PALM2AKAP2: variants seen among roughly 807,000 people sequenced by gnomAD.
The protein encoded by PALM2AKAP2 is PALM2-AKAP2 fusion protein.
In PALM2AKAP2, 37 loss-of-function variants were observed where a neutral mutation model predicts 71.5. The ratio of observed to expected loss-of-function variants is 0.52; its 90% CI spans 0.40 to 0.68. The LOEUF is 0.68. Ranked by LOEUF, PALM2AKAP2 falls within the 30% of genes least tolerant of loss-of-function variation. The probability of loss-of-function intolerance (pLI) is 0.00; values close to 1 mark genes in which losing one functional copy is unlikely to be tolerated. For missense variants in PALM2AKAP2, 1,224 were observed against 1,191.8 expected, an observed-to-expected ratio of 1.03 and a Z score of -0.40; for synonymous variants, 468 against 478.8, an observed-to-expected ratio of 0.98 and a Z score of 0.29.
intron 1 of PALM2AKAP2, among the ~76,000 whole-genome samples, chr9:110,053,227 C>G (rs16914728): frequency 0.024 from 3,636 of 152,110 alleles, 160 homozygotes; most frequent in African/African-American, 0.083. Flanking sequence ...TGAGTAGGAT[C>G]AAGAGACATG....
chr9:109,735,289 A>C (rs1828613494), intron 1 of PALM2AKAP2, among the ~76,000 whole-genome samples: 2 of 151,092 alleles, frequency 1.3e-5, no homozygotes, highest in African/African-American at 4.9e-5. Flanking sequence ...CTTTTGGCCC[A>C]CCATCTTTTA....
At chr9:109,647,126 T>C (rs1827166308) in intron 1 of PALM2AKAP2, among the ~76,000 whole-genome samples, 1 of 152,164 alleles carries the variant, frequency 6.6e-6, no homozygotes, top group South Asian at 2.1e-4. Context: ...TATATATATA[T>C]ATAGGTTTAA....
intron 1 of PALM2AKAP2, among the ~76,000 whole-genome samples, chr9:109,657,478 G>A (rs543444821): frequency 6.6e-6 from 1 of 151,814 alleles, no homozygotes; most frequent in South Asian, 2.1e-4. Flanking sequence ...GTGTGTGTGT[G>A]TAAAATCAAT....
chr9:109,892,789 A>G (rs909813631), intron 3 of PALM2AKAP2, among the ~76,000 whole-genome samples: 1 of 152,142 alleles, frequency 6.6e-6, no homozygotes, highest in Non-Finnish European at 1.5e-5. Flanking sequence ...AAAAGAAATA[A>G]TAATAATAAT....
intron 1 of PALM2AKAP2, among the ~76,000 whole-genome samples, chr9:109,842,210 A>C (rs998950015): frequency 3.3e-5 from 5 of 152,140 alleles, no homozygotes; most frequent in Non-Finnish European, 5.9e-5. Flanking sequence ...GCCCCTGGGG[A>C]GTGTACAGGA....
At chr9:109,820,412 T>C (rs187110548) in intron 1 of PALM2AKAP2, among the ~76,000 whole-genome samples, 2 of 152,184 alleles carry the variant, frequency 1.3e-5, no homozygotes, top group Non-Finnish European at 2.9e-5. Flanking sequence ...GTCACCTCAG[T>C]CCATTGTGTT....
intron 1 of PALM2AKAP2, among the ~76,000 whole-genome samples, chr9:109,702,302 T>C (rs1215534597): frequency 6.6e-6 from 1 of 152,236 alleles, no homozygotes; most frequent in Non-Finnish European, 1.5e-5. Flanking sequence ...GTATGTTTTA[T>C]TGTGGCACTA....
chr9:109,966,842 CTG>C (rs950523866), intron 6 of PALM2AKAP2, among the ~76,000 whole-genome samples: 6 of 152,174 alleles, frequency 3.9e-5, no homozygotes, highest in Admixed American at 2.6e-4. Context: ...ACTCAATGGT[CTG>C]TGTTTGTAGC....
intron 6 of PALM2AKAP2, among the ~76,000 whole-genome samples, chr9:109,997,013 A>AC (rs952884856): frequency 2.6e-5 from 4 of 152,012 alleles, no homozygotes; most frequent in Non-Finnish European, 5.9e-5. Flanking sequence ...ACGTGGTGAG[A>AC]CCCCATCTCT....
chr9:109,689,394 T>C (rs1216628380), intron 1 of PALM2AKAP2, among the ~76,000 whole-genome samples: 1 of 151,970 alleles, frequency 6.6e-6, no homozygotes, highest in East Asian at 1.9e-4. Context: ...GAGACTGGGT[T>C]TCACCAAGTT....
At chr9:109,861,185 C>CT (rs941189757) in intron 1 of PALM2AKAP2, among the ~76,000 whole-genome samples, 3 of 152,306 alleles carry the variant, frequency 2.0e-5, no homozygotes, top group Non-Finnish European at 4.4e-5. Flanking sequence ...GCCTCTTTCC[C>CT]TGTCTCCCTG....
At chr9:109,812,731 G>T (rs1391457642) in intron 1 of PALM2AKAP2, among the ~76,000 whole-genome samples, 4 of 152,080 alleles carry the variant, frequency 2.6e-5, no homozygotes, top group Non-Finnish European at 5.9e-5. Flanking sequence ...CTTCCCTAGG[G>T]CAGGTGCGCA....
At chr9:110,066,611 T>A (rs906142365) in intron 1 of PALM2AKAP2, among the ~76,000 whole-genome samples, 7 of 151,178 alleles carry the variant, frequency 4.6e-5, no homozygotes, top group African/African-American at 1.5e-4. Flanking sequence ...AGTGGGAAGA[T>A]CCCTTGAGCC....
chr9:110,040,716 A>G (rs1833497086), intron 7 of PALM2AKAP2, among the ~76,000 whole-genome samples: 1 of 152,238 alleles, frequency 6.6e-6, no homozygotes, highest in African/African-American at 2.4e-5. Flanking sequence ...AAAATTGAAA[A>G]GAAGTTAAGC....
At chr9:109,756,069 C>T (rs1828959138) in intron 1 of PALM2AKAP2, among the ~76,000 whole-genome samples, 1 of 152,120 alleles carries the variant, frequency 6.6e-6, no homozygotes, top group Non-Finnish European at 1.5e-5. Flanking sequence ...GCAGAATCAC[C>T]TAAATCAATG....
chr9:109,823,524 G>C (rs1297600662), intron 1 of PALM2AKAP2, among the ~76,000 whole-genome samples: 1 of 152,190 alleles, frequency 6.6e-6, no homozygotes, highest in Non-Finnish European at 1.5e-5. Flanking sequence ...TATGGGAGGG[G>C]GATAGGTGTG....
At chr9:109,880,559 G>T (rs1829822318) in exon 3 of PALM2AKAP2, 1 of 1,612,808 alleles carries the variant, frequency 6.2e-7, no homozygotes, top group Non-Finnish European at 8.5e-7. Flanking sequence ...AGTCCAAAGT[G>T]CTTCGGGAGA....
chr9:109,783,312 G>A (rs992820552), intron 1 of PALM2AKAP2, among the ~76,000 whole-genome samples: 2 of 132,300 alleles, frequency 1.5e-5, no homozygotes, highest in Admixed American at 7.8e-5. Context: ...AGTGGAATGT[G>A]TATTAATGAC....
chr9:109,977,982 G>A (rs890793495), intron 6 of PALM2AKAP2, among the ~76,000 whole-genome samples: 17 of 152,178 alleles, frequency 1.1e-4, no homozygotes, highest in Non-Finnish European at 2.9e-5. Context: ...TACCCAATCT[G>A]AGATGGAGTG....
Sources: allele counts gnomAD v4.1 joint callset (sites outside exome capture counted in the v4.1 genomes callset), GRCh38; gene constraint gnomAD v4.1.1; transcripts MANE v1.5; gene names NCBI Gene and HGNC (gene_info 2026-07-23, HGNC 2026-07-21).